NELL2: variants seen among roughly 807,000 people sequenced by gnomAD.
NELL2 encodes the protein protein kinase C-binding protein NELL2.
Under a neutral mutation model 109.6 loss-of-function variants are expected in NELL2, and 41 were observed. That is an observed-to-expected ratio of 0.37 (90% CI 0.29 to 0.49). NELL2 has a LOEUF of 0.49. NELL2 is among the 20% of genes least tolerant of loss of function. NELL2 has a pLI of 0.98. For synonymous variants in NELL2, 355 were observed against 344.7 expected (o/e 1.03, Z -0.33); for missense variants, 900 against 1,008.3 (o/e 0.89, Z 1.45).
chr12:44,808,930 C>T lies in NELL2; in HGVS notation c.335+7056G>A, dbSNP rs185370313. ...CAGAAGATGATGACAAACTACAGGA[C>T]AGTTTAATATTTATTTGCAAAGCTA... On this transcript the variant is annotated intron_variant, in intron 3 of 19. Coordinates refer to ENST00000429094, the MANE Select transcript of NELL2 (RefSeq NM_001145108.2). 1.2e-3 allele frequency among the ~76,000 whole-genome samples: 190 copies of T among 152,104 alleles called. 1 individual carries two copies. The highest frequency in any genetic ancestry group is 4.2e-3 in the African/African-American group (173 of 41,530).
intron 19 of NELL2, among the ~76,000 whole-genome samples, chr12:44,510,122 T>C (rs578241793): frequency 2.5e-4 from 38 of 152,328 alleles, no homozygotes; most frequent in African/African-American, 8.4e-4. Flanking sequence ...CCCTGCACTC[T>C]TACTTTTCTC....
At chr12:44,773,902 T>TTCTC (rs11451905) in intron 9 of NELL2, among the ~76,000 whole-genome samples, 76,398 of 151,672 alleles carry the variant, frequency 0.5, 19,695 homozygotes, top group Middle Eastern at 0.55. Context: ...GCTACTGTCT[T>TTCTC]TCTCTCCACC....
At chr12:44,670,395 A>T (rs1013918969) in intron 12 of NELL2, among the ~76,000 whole-genome samples, 1 of 152,132 alleles carries the variant, frequency 6.6e-6, no homozygotes, top group African/African-American at 2.4e-5. Context: ...TGTAAAGTAA[A>T]CAACAGAAGA....
At chr12:44,583,955 T>C (rs139188774) in intron 15 of NELL2, among the ~76,000 whole-genome samples, 2 of 152,282 alleles carry the variant, frequency 1.3e-5, no homozygotes, top group South Asian at 2.1e-4. Context: ...GTATTTTTCA[T>C]AGAGGTGGGT....
chr12:44,891,231 A>C (rs1945530624), intron 1 of NELL2, among the ~76,000 whole-genome samples: 1 of 152,180 alleles, frequency 6.6e-6, no homozygotes, highest in African/African-American at 2.4e-5. Flanking sequence ...TTTTGAGTTT[A>C]CTAGGCCTAC....
At chr12:44,858,815 T>A (rs76234325) in intron 2 of NELL2, among the ~76,000 whole-genome samples, 1 of 152,320 alleles carries the variant, frequency 6.6e-6, no homozygotes, top group Non-Finnish European at 1.5e-5. Flanking sequence ...AGGCCCTAAG[T>A]TATGATTATC....
At chr12:44,548,572 A>C (rs906810266) in intron 15 of NELL2, among the ~76,000 whole-genome samples, 1 of 151,778 alleles carries the variant, frequency 6.6e-6, no homozygotes, top group African/African-American at 2.4e-5. Context: ...AGAAAAAACC[A>C]AGAAGGAAAA....
chr12:44,795,595 C>A (rs936019434), intron 3 of NELL2, among the ~76,000 whole-genome samples: 1 of 152,018 alleles, frequency 6.6e-6, no homozygotes, highest in Non-Finnish European at 1.5e-5. Flanking sequence ...GAATAACGAG[C>A]AATTTGAATA....
intron 9 of NELL2, among the ~76,000 whole-genome samples, chr12:44,727,748 C>T (rs539464186): frequency 1.3e-5 from 2 of 151,966 alleles, no homozygotes; most frequent in Non-Finnish European, 2.9e-5. Context: ...GACAGCTATG[C>T]TAAATGAAAC....
upstream of NELL2, chr12:44,876,611 C>G (rs1353324442): frequency 1.3e-6 from 2 of 1,550,214 alleles, no homozygotes; most frequent in South Asian, 1.2e-5. Context: ...TCTCACCCCT[C>G]GATTTCGGGC....
At position 44,714,750 on chromosome 12, in the gene NELL2, T is replaced by TA; in HGVS notation, c.995-10dup. On this transcript the variant is annotated splice_polypyrimidine_tract_variant and intron_variant, in intron 9 of 19. Coordinates refer to ENST00000429094, the MANE Select transcript of NELL2 (RefSeq NM_001145108.2). ...TTGAAATTGGCATATCGCTTTGGAGTAAAAAATACATATATATTTATTTTA... is the reference window on the plus strand; with the variant it reads ...TTGAAATTGGCATATCGCTTTGGAGTAAAAAAATACATATATATTTATTTTA... The TA allele has an allele frequency of 6.5e-7, 1 of 1,537,568 alleles. No homozygotes were observed. Among genetic ancestry groups the TA allele is most frequent in the Non-Finnish European group, 8.9e-7 (1 of 1,129,118 alleles).
chr12:44,570,239 G>C (rs1943812133), intron 15 of NELL2, among the ~76,000 whole-genome samples: 1 of 152,174 alleles, frequency 6.6e-6, no homozygotes, highest in Non-Finnish European at 1.5e-5. Flanking sequence ...CTAAATGTGA[G>C]CAAAAGGAAA....
chr12:44,842,109 G>GAGGAAGGAAGGAAGGAAGGAAGGA (rs1204151112), intron 2 of NELL2, among the ~76,000 whole-genome samples: 1 of 38,748 alleles, frequency 2.6e-5, no homozygotes, highest in African/African-American at 1.1e-4. Context: ...GGGAGGGAGG[G>GAGGAAGGAAGGAAGGAAGGAAGGA]AGGAAGGAAG....
rs377551857 is a variant in NELL2, at chr12:44,907,501, T to C, written c.38+6298A>G. Reference sequence around the variant, plus strand: ...GCCTTTGGATTTAGCAATATGGGAGTAATTGGTTACCTTGGCCAGAAATAT... The same window carrying C: ...GCCTTTGGATTTAGCAATATGGGAGCAATTGGTTACCTTGGCCAGAAATAT... On this transcript the variant is annotated intron_variant, in intron 1 of 20. Coordinates refer to the NELL2 transcript ENST00000333837. Among the ~76,000 whole-genome samples the C allele has an allele frequency of 3.5e-4, 53 of 152,148 alleles. 1 individual carries two copies. In the South Asian group the frequency reaches 0.011, roughly 31 times the overall value.
Position 44,526,185 on chromosome 12 carries a change from C to G in NELL2, c.1805-2701G>C, listed in dbSNP as rs73096339. Reference sequence around the variant, plus strand: ...AATCTGATTTTCATTTTAGACAGGTCCCTTTGGGTTCATTTTGGAAAAGAG... The same window carrying G: ...AATCTGATTTTCATTTTAGACAGGTGCCTTTGGGTTCATTTTGGAAAAGAG... On this transcript the variant is annotated intron_variant, in intron 16 of 19. Transcript: ENST00000429094. Among the ~76,000 whole-genome samples the G allele has an allele frequency of 7.3e-3, 1,103 of 152,054 alleles. 7 individuals are homozygous for G. The highest frequency in any genetic ancestry group is 0.026 in the Admixed American group (392 of 15,274).
At chr12:44,751,786 T>C (rs1257298461) in intron 9 of NELL2, among the ~76,000 whole-genome samples, 1 of 152,188 alleles carries the variant, frequency 6.6e-6, no homozygotes, top group Non-Finnish European at 1.5e-5. Flanking sequence ...TGTAAACTGA[T>C]AATTTTGCTA....
rs536268833 is a variant in NELL2, at chr12:44,612,265, C to T, written c.1445-1295G>A. 1.1e-4 allele frequency among the ~76,000 whole-genome samples: 16 copies of T among 152,034 alleles called. No individual in the cohort carries two copies. In the East Asian group the frequency reaches 2.1e-3, roughly 20 times the overall value. On this transcript the variant is annotated intron_variant, in intron 13 of 19. Transcript: ENST00000429094. ...CTTCATTTAAAAAAATAAAAATTGT[C>T]ATTTTGCTATGGCATTTTATGTCTC...
chr12:44,733,480 C>A (rs1939477109), intron 9 of NELL2, among the ~76,000 whole-genome samples: 2 of 151,550 alleles, frequency 1.3e-5, no homozygotes, highest in African/African-American at 4.8e-5. Context: ...CTGCATGAAC[C>A]CAATTAACAT....
chr12:44,786,304 T>C (rs1942168724), intron 3 of NELL2, among the ~76,000 whole-genome samples: 1 of 151,732 alleles, frequency 6.6e-6, no homozygotes. Flanking sequence ...ATTAGAAAAA[T>C]GAAAATGAAA....
Sources: gnomAD v4.1 joint callset for allele counts (sites outside exome capture counted in the v4.1 genomes callset) on GRCh38, gnomAD v4.1.1 for gene constraint, MANE v1.5 for transcripts, NCBI Gene and HGNC (gene_info 2026-07-23, HGNC 2026-07-21) for gene names.